Variants in HMCN1 observed in about 807,000 individuals in gnomAD.
HMCN1 encodes hemicentin-1.
Under a neutral mutation model 625.9 loss-of-function variants are expected in HMCN1, and 321 were observed. That is an observed-to-expected ratio of 0.51 (90% confidence interval 0.47 to 0.56). The LOEUF (loss-of-function observed/expected upper bound fraction) is 0.56, where lower values mean the gene tolerates loss of function less well. Ranked by LOEUF, HMCN1 falls within the 20% of genes least tolerant of loss-of-function variation. HMCN1 has a pLI of 0.00. For synonymous variants in HMCN1, 2,425 were observed against 2,417.6 expected (o/e 1.00, Z -0.09); for missense variants, 6,588 against 6,887.3 (o/e 0.96, Z 1.54).
chr1:186,079,225 C>T (rs967304739), intron 55 of HMCN1, among the ~76,000 whole-genome samples: 2 of 152,272 alleles, frequency 1.3e-5, no homozygotes, highest in South Asian at 4.2e-4. Flanking sequence ...TCTCAGCAGC[C>T]GGCTCCCGTG....
rs1650651368 is a variant in HMCN1, at chr1:186,151,356, C to T, written c.14758+7C>T. The T allele has an allele frequency of 1.9e-6, 3 of 1,611,992 alleles. No homozygotes were observed. The highest frequency in any genetic ancestry group is 4.5e-5 in the East Asian group (2 of 44,830). On this transcript the variant is annotated splice_region_variant and intron_variant, in intron 94 of 106. Transcript: ENST00000271588. The stretch of plus-strand genomic sequence containing the variant: ...AATGTACCTCGTAGTCTTGGTAAGT[C>T]TTTGCCTCAAGCCTCTTTTTAAAAA...
At chr1:185,889,487 A>G (rs969980803) in intron 4 of HMCN1, among the ~76,000 whole-genome samples, 2 of 142,246 alleles carry the variant, frequency 1.4e-5, no homozygotes, top group Non-Finnish European at 3.0e-5. Context: ...ATGTCGCATC[A>G]ATACCTAATT....
intron 40 of HMCN1, among the ~76,000 whole-genome samples, chr1:186,045,454 C>G (rs186105688): frequency 2.0e-5 from 3 of 151,926 alleles, no homozygotes; most frequent in Non-Finnish European, 4.4e-5. Context: ...GAGAACTTCC[C>G]GTTCTAAAAG....
chr1:185,872,878 A>C (rs1344829907), intron 4 of HMCN1, among the ~76,000 whole-genome samples: 2 of 152,164 alleles, frequency 1.3e-5, no homozygotes, highest in South Asian at 4.1e-4. Flanking sequence ...TGAAAGTATT[A>C]TCCCATAAGA....
chr1:185,768,325 A>T (rs1388105395), intron 1 of HMCN1, among the ~76,000 whole-genome samples: 2 of 152,168 alleles, frequency 1.3e-5, no homozygotes, highest in African/African-American at 4.8e-5. Context: ...TCAGTCATAG[A>T]TTAGATGATG....
Position 186,087,426 on chromosome 1 carries a change from T to G in HMCN1, c.9161-17T>G, listed in dbSNP as rs548179477. The G allele has an allele frequency of 6.2e-7, 1 of 1,610,640 alleles. No individual in the cohort carries two copies. Among genetic ancestry groups the G allele is most frequent in the African/African-American group, 1.3e-5 (1 of 74,948 alleles). On this transcript the variant is annotated splice_polypyrimidine_tract_variant and intron_variant, in intron 59 of 106. Coordinates refer to ENST00000271588, the MANE Select transcript of HMCN1 (RefSeq NM_031935.3). The stretch of plus-strand genomic sequence containing the variant: ...CTTAATGAAAAAGAAAATCCTTCTG[T>G]TATTTTCTTCCCTCAGTGCCCCCAA...
Position 186,166,958 on chromosome 1 carries a change from CCTTTT to C in HMCN1, c.15574+21_15574+25del. ...AGTTGTCAAGGTATAAAAATGGAGG[CCTTTT>C]CTTTATGTTCATGACAGTAAGAATT... On this transcript the variant is annotated intron_variant, in intron 100 of 106. Coordinates refer to ENST00000271588, the MANE Select transcript of HMCN1 (RefSeq NM_031935.3). 6.2e-7 allele frequency: 1 copy of C among 1,613,944 alleles called. No homozygotes were observed. Among genetic ancestry groups the C allele is most frequent in the African/African-American group, 1.3e-5 (1 of 74,998 alleles).
At chr1:186,131,359 T>C (rs1661921540) in intron 85 of HMCN1, among the ~76,000 whole-genome samples, 1 of 152,196 alleles carries the variant, frequency 6.6e-6, no homozygotes, top group Non-Finnish European at 1.5e-5. Flanking sequence ...ATTTCTACTT[T>C]ATGTGCCATA....
intron 14 of HMCN1, 87 bp downstream of exon 14, chr1:185,966,002 G>A: frequency 1.2e-6 from 1 of 853,044 alleles, no homozygotes. Flanking sequence ...TTGTTTTGGT[G>A]TGTGACTTAG....
At chr1:185,822,353 G>T (rs1247576018) in intron 1 of HMCN1, among the ~76,000 whole-genome samples, 2 of 152,034 alleles carry the variant, frequency 1.3e-5, no homozygotes, top group Non-Finnish European at 2.9e-5. Context: ...GTTTTGTTCT[G>T]AACCTAAAAC....
chr1:185,770,799 T>A (rs1656189512), intron 1 of HMCN1, among the ~76,000 whole-genome samples: 1 of 152,214 alleles, frequency 6.6e-6, no homozygotes, highest in Admixed American at 6.5e-5. Flanking sequence ...TCCAACTGAC[T>A]GGGCAGGAAA....
Position 185,923,623 on chromosome 1 carries a change from T to A in HMCN1, c.1255T>A (p.Ser419Thr). 1 of 1,606,574 alleles carries A rather than the reference T, an allele frequency of 6.2e-7. No individual in the cohort carries two copies. Among genetic ancestry groups the A allele is most frequent in the Non-Finnish European group, 8.5e-7 (1 of 1,177,300 alleles). The change falls in exon 8 of 107, where the codon TCA becomes ACA. Residue 419 changes from serine to threonine, a missense_variant. Around this residue, in one of 3 missense-constraint regions of HMCN1, gnomAD observed 4,628 missense variants for 4,853.1 expected, o/e 0.95. Coordinates refer to ENST00000271588, the MANE Select transcript of HMCN1 (RefSeq NM_031935.3). The part of the protein sequence containing the change: ...DKDDYLFQRV[S>T]SVSFSSIVPD... ...AGATGATTACCTCTTCCAGAGAGTA[T>A]CAAGTGTTTCCTTTTCTAGTATTGT... is the stretch of plus-strand genomic sequence containing the variant.
rs1656508569 is a variant in HMCN1, at chr1:186,045,649, G to A, written c.6305-39G>A. 4.7e-6 allele frequency: 7 copies of A among 1,480,066 alleles called. No homozygotes were observed. The Admixed American group carries it at 5.0e-5, about 11-fold the overall frequency. The allele number at this position is 1,480,066 out of a possible 1,614,324, so 91.7% of individuals were successfully genotyped here. ...ATTGATGAATGTAAACAGTGTGCTGGCCTGTTTTATCCTGAAAGAAAACCC... is the reference window on the plus strand; with the variant it reads ...ATTGATGAATGTAAACAGTGTGCTGACCTGTTTTATCCTGAAAGAAAACCC... On this transcript the variant is annotated intron_variant, in intron 40 of 106. Transcript: ENST00000271588.
At chr1:186,095,868 A>C (rs1660115615) in intron 68 of HMCN1, among the ~76,000 whole-genome samples, 3 of 152,158 alleles carry the variant, frequency 2.0e-5, no homozygotes, top group Admixed American at 2.0e-4. Flanking sequence ...TAGGTATACT[A>C]TGATATGTTA....
chr1:185,909,384 T>A lies in HMCN1; in HGVS notation c.669T>A (p.Leu223=). The change falls in exon 5 of 107, where the codon CTT becomes CTA. Residue 223 remains leucine, a synonymous_variant. Coordinates refer to ENST00000271588, the MANE Select transcript of HMCN1 (RefSeq NM_031935.3). ...EEAVQASKVH[L]LSTDHLEQAV... The stretch of plus-strand genomic sequence containing the variant: ...CAGTACAGGCCTCCAAAGTTCACCT[T>A]TTATCCACAGATCATTTGGAACAGG... 1 of 1,613,374 alleles carries A rather than the reference T, an allele frequency of 6.2e-7. No homozygotes were observed. The highest frequency in any genetic ancestry group is 1.1e-5 in the South Asian group (1 of 91,078).
At position 185,993,466 on chromosome 1, in the gene HMCN1, C is replaced by T. The variant is rs535912092; in HGVS notation, c.3505+157C>T. On this transcript the variant is annotated intron_variant, in intron 23 of 106. Coordinates refer to ENST00000271588, the MANE Select transcript of HMCN1 (RefSeq NM_031935.3). ...GAGACTTGTGATTTTCTTTTGTTTA[C>T]TCTGAAAAGTCTTCCTGCTATTTAT... The T allele has an allele frequency of 4.1e-6, 3 of 723,688 alleles. No individual in the cohort carries two copies. The East Asian group carries it at 8.7e-5, about 21-fold the overall frequency. The allele number at this position is 723,688 out of a possible 1,614,324, so 44.8% of individuals were successfully genotyped here.
chr1:185,804,894 T>C lies in HMCN1; in HGVS notation c.269-41132T>C, dbSNP rs115941303. Among the ~76,000 whole-genome samples the C allele has an allele frequency of 8.7e-3, 1,331 of 152,172 alleles. 11 individuals are homozygous for C. Among genetic ancestry groups the C allele is most frequent in the African/African-American group, 0.028 (1,154 of 41,530 alleles). On this transcript the variant is annotated intron_variant, in intron 1 of 106. Transcript: ENST00000271588. ...ACAGATTCCTGCTGTTAGAAAGTAA[T>C]GTGCTTTGTATTGAGGTAATGTTTA... is the stretch of plus-strand genomic sequence containing the variant.
At chr1:186,037,097 T>C (rs953499178) in intron 36 of HMCN1, among the ~76,000 whole-genome samples, 4 of 152,118 alleles carry the variant, frequency 2.6e-5, no homozygotes, top group Non-Finnish European at 5.9e-5. Flanking sequence ...ATTGATTGTA[T>C]GTGGGTCGAG....
chr1:186,082,416 A>G (rs1463821571), intron 56 of HMCN1, among the ~76,000 whole-genome samples: 1 of 152,144 alleles, frequency 6.6e-6, no homozygotes, highest in Non-Finnish European at 1.5e-5. Context: ...CAGCAGGCTA[A>G]TCCTGGCTTC....
Sources: gnomAD v4.1 joint callset for allele counts (sites outside exome capture counted in the v4.1 genomes callset) on GRCh38, gnomAD v4.1.1 for gene constraint, gnomAD v4.1.1 regional missense constraint, MANE v1.5 for transcripts, NCBI Gene and HGNC (gene_info 2026-07-23, HGNC 2026-07-21) for gene names.